Variants in ZZEF1 observed in about 807,000 individuals in gnomAD.
ZZEF1 encodes the protein zinc finger ZZ-type and EF-hand domain-containing protein 1.
A neutral mutation model predicts 342.8 loss-of-function variants in ZZEF1; 157 were observed. That is an observed-to-expected ratio of 0.46 (90% CI 0.40 to 0.52). ZZEF1 has a LOEUF of 0.52. Among genes scored for constraint, ZZEF1 ranks in the 20% least tolerant of loss-of-function variants. The pLI is 0.00. For missense variants in ZZEF1, 3,480 were observed against 3,725.6 expected (o/e 0.93, Z 1.72); for synonymous variants, 1,505 against 1,429.1 (o/e 1.05, Z -1.20).
At position 4,017,682 on chromosome 17, in the gene ZZEF1, T is replaced by A; in HGVS notation, c.7690A>T (p.Thr2564Ser). 6.2e-7 allele frequency: 1 copy of A among 1,613,728 alleles called. No homozygotes were observed. The highest frequency in any genetic ancestry group is 8.5e-7 in the Non-Finnish European group (1 of 1,180,010). Residue 2564 changes from threonine (T) to serine (S), a missense_variant, in exon 48 of 55, where the codon ACC (threonine) becomes TCC (serine). By Grantham distance (58) the Thr-to-Ser change is moderately conservative. Around this residue, in one of 5 missense-constraint regions of ZZEF1, gnomAD observed 1,269 missense variants for 1,342.4 expected, o/e 0.95. Transcript: ENST00000381638. The surrounding 1 kb of genome is among the most constrained non-coding windows in gnomAD (Gnocchi z 5.1). ...TCTGTGCTGGAGATCAGCTTCTGGG[T>A]CACAGGGTTCGATTCAGCAGTGGCT... ...DQATAESNPV[T>S]QKLISSTESE...
At chr17:4,085,559 A>T in intron 16 of ZZEF1, 111 bp downstream of exon 16, 1 of 1,335,354 alleles carries the variant, frequency 7.5e-7, no homozygotes, top group Non-Finnish European at 1.0e-6. Flanking sequence ...ATATAATATT[A>T]ATACACATCT....
intron 1 of ZZEF1, 129 bp downstream of exon 1, chr17:4,142,413 T>G: frequency 2.0e-6 from 2 of 979,718 alleles, no homozygotes; most frequent in Admixed American, 2.9e-5. Context: ...AGCAAACGCC[T>G]GGTGAAAAGC....
intron 37 of ZZEF1, among the ~76,000 whole-genome samples, chr17:4,045,827 C>T (rs924158324): frequency 2.3e-5 from 3 of 130,242 alleles, no homozygotes; most frequent in African/African-American, 1.0e-4. Flanking sequence ...TTTTTTTGTT[C>T]TTGTTTTTTT....
chr17:4,065,710 T>G (rs1481093657), intron 28 of ZZEF1, among the ~76,000 whole-genome samples: 1 of 152,150 alleles, frequency 6.6e-6, no homozygotes, highest in East Asian at 1.9e-4. Flanking sequence ...CCACACTATT[T>G]TATCTGTAAA....
chr17:4,085,290 C>T (rs2057797983), intron 16 of ZZEF1, among the ~76,000 whole-genome samples: 1 of 152,010 alleles, frequency 6.6e-6, no homozygotes, highest in Admixed American at 6.6e-5. Flanking sequence ...ACTGTTGAAG[C>T]TAGGTGACAG....
rs1347219134 is a variant in ZZEF1, at chr17:4,016,474, G to A, written c.8002-8C>T. On this transcript the variant is annotated splice_region_variant and splice_polypyrimidine_tract_variant and intron_variant, in intron 48 of 54. Coordinates refer to ENST00000381638, the MANE Select transcript of ZZEF1 (RefSeq NM_015113.4). This position sits in a 1 kb window ranked among gnomAD's most constrained non-coding sequence, Gnocchi z 4.4. ...GAGCACTTTCTGCAGGATCTGGTGG[G>A]AAGCAGACAGATAAGGTCAGGGCCT... The A allele has an allele frequency of 1.2e-6, 2 of 1,604,420 alleles. No homozygotes were observed. The highest frequency in any genetic ancestry group is 3.4e-5 in the Admixed American group (2 of 58,368).
intron 42 of ZZEF1, among the ~76,000 whole-genome samples, chr17:4,030,369 T>C (rs1290812307): frequency 6.6e-6 from 1 of 152,246 alleles, no homozygotes; most frequent in East Asian, 1.9e-4. Flanking sequence ...GCACTCAATA[T>C]AGAAGTCCCT....
chr17:4,073,282 G>A (rs1567815983), intron 24 of ZZEF1, among the ~76,000 whole-genome samples: 3 of 151,960 alleles, frequency 2.0e-5, no homozygotes, highest in African/African-American at 7.3e-5. Flanking sequence ...ATTTTCCTTT[G>A]TTTTTTTCCA....
chr17:4,140,910 C>CT (rs34876417), intron 1 of ZZEF1, among the ~76,000 whole-genome samples: 29,123 of 141,530 alleles, frequency 0.21, 3,278 homozygotes, highest in South Asian at 0.29. Context: ...ACTAATATGA[C>CT]TTTTTTTTTT....
chr17:4,142,963 C>G lies in ZZEF1; in HGVS notation c.-68G>C. ...CGCCTCCCCGCCTCGACCTGTCAACCTCCGACAGCAGCTGGCGGGCGGGGA... is the reference window on the plus strand; with the variant it reads ...CGCCTCCCCGCCTCGACCTGTCAACGTCCGACAGCAGCTGGCGGGCGGGGA... On this transcript the variant is annotated 5_prime_UTR_variant, in exon 1 of 55. Coordinates refer to ENST00000381638, the MANE Select transcript of ZZEF1 (RefSeq NM_015113.4). 7.8e-7 allele frequency: 1 copy of G among 1,279,980 alleles called. No homozygotes were observed. 79.3% of individuals were successfully genotyped at this position (1,279,980 alleles called of 1,614,324 possible).
chr17:4,075,529 C>T, intron 21 of ZZEF1, 100 bp from the exon 22 acceptor site: 1 of 1,361,908 alleles, frequency 7.3e-7, no homozygotes, highest in African/African-American at 1.4e-5. Flanking sequence ...GGCAGATGGC[C>T]TTGACAGCCC....
In ZZEF1 at chr17:4,105,676, A is replaced by G. The variant is rs772245244; in HGVS notation, c.1394+17T>C. On this transcript the variant is annotated intron_variant, in intron 7 of 54. Transcript: ENST00000381638. ...TCCATTCCTCACAGAGTTTACCCTC[A>G]TCAGCCTTGATTTTACCTAGTTATC... is the stretch of plus-strand genomic sequence containing the variant. The G allele has an allele frequency of 4.4e-6, 7 of 1,580,482 alleles. No homozygotes were observed. In the South Asian group the frequency reaches 5.6e-5, roughly 13 times the overall value.
At chr17:4,007,483 C>A (rs1260885597) in intron 54 of ZZEF1, among the ~76,000 whole-genome samples, 1 of 151,966 alleles carries the variant, frequency 6.6e-6, no homozygotes, top group African/African-American at 2.4e-5. Context: ...CGTCAGGACA[C>A]TGGTGCAGTA....
At chr17:4,119,848 G>A (rs554424089) in intron 2 of ZZEF1, among the ~76,000 whole-genome samples, 42 of 151,596 alleles carry the variant, frequency 2.8e-4, no homozygotes, top group South Asian at 1.9e-3. Context: ...AAGGTATCAT[G>A]TATAGAGTCA....
At chr17:4,049,660 C>CTAG (rs2057002286) in intron 37 of ZZEF1, 48 bp downstream of exon 37, 3 of 1,610,288 alleles carry the variant, frequency 1.9e-6, no homozygotes, top group Non-Finnish European at 2.5e-6. Context: ...GAATGGCTCT[C>CTAG]TCTAGAGTTC....
intron 1 of ZZEF1, among the ~76,000 whole-genome samples, chr17:4,137,526 G>A (rs2058771088): frequency 6.6e-6 from 1 of 152,136 alleles, no homozygotes; most frequent in Admixed American, 6.5e-5. Context: ...GCAGGAGAAT[G>A]GTGTGAACCT....
At chr17:4,121,296 G>T (rs917160120) in intron 2 of ZZEF1, among the ~76,000 whole-genome samples, 3 of 152,146 alleles carry the variant, frequency 2.0e-5, no homozygotes, top group Non-Finnish European at 4.4e-5. Flanking sequence ...TGCAAAAGTG[G>T]AGTAGTATGT....
intron 4 of ZZEF1, among the ~76,000 whole-genome samples, chr17:4,113,874 C>A (rs1179006179): frequency 6.6e-6 from 1 of 151,714 alleles, no homozygotes; most frequent in Non-Finnish European, 1.5e-5. Flanking sequence ...GAGACTGAGG[C>A]AGGAGGACTG....
At chr17:4,010,724 C>CAAAAAAAGA (rs2055926115) in intron 52 of ZZEF1, among the ~76,000 whole-genome samples, 1 of 85,268 alleles carries the variant, frequency 1.2e-5, no homozygotes, top group Non-Finnish European at 2.1e-5. Context: ...GATTCCGTCT[C>CAAAAAAAGA]AAAAAAAAAA....
Sources: gnomAD v4.1 joint callset for allele counts (sites outside exome capture counted in the v4.1 genomes callset) on GRCh38, gnomAD v4.1.1 for gene constraint, gnomAD v4.1.1 regional missense constraint, Gnocchi (gnomAD v3.1) non-coding constraint, MANE v1.5 for transcripts, NCBI Gene and HGNC (gene_info 2026-07-23, HGNC 2026-07-21) for gene names.